STPG2: variants seen among roughly 807,000 people sequenced by gnomAD.
The protein encoded by STPG2 is sperm tail PG-rich repeat containing 2, also known as sperm-tail PG-rich repeat-containing protein 2.
In STPG2, 56 loss-of-function variants were observed where a neutral mutation model predicts 54.2. The observed-to-expected ratio is 1.03, with a 90% CI of 0.83 to 1.29. The LOEUF (loss-of-function observed/expected upper bound fraction) is 1.29, where lower values mean the gene tolerates loss of function less well. STPG2 is among the 50% of genes most tolerant of loss of function. The pLI, the probability that STPG2 is intolerant of heterozygous loss-of-function variation, is 0.00. For synonymous variants in STPG2, 200 were observed against 181.8 expected (o/e 1.10, Z -0.81); for missense variants, 596 against 544.9 (o/e 1.09, Z -0.93).
chr4:98,092,824 C>T (rs1738731183), intron 5 of STPG2, among the ~76,000 whole-genome samples: 1 of 151,872 alleles, frequency 6.6e-6, no homozygotes, highest in African/African-American at 2.4e-5. Context: ...TAGTTTGCAG[C>T]TAGAATCTAA....
chr4:97,666,734 T>G (rs1041969511), intron 10 of STPG2, among the ~76,000 whole-genome samples: 1 of 152,176 alleles, frequency 6.6e-6, no homozygotes, highest in Non-Finnish European at 1.5e-5. Flanking sequence ...TAAATTATTA[T>G]ATCTGTTATA....
At chr4:97,487,200 A>T (rs987138730) in intron 4 of STPG2, among the ~76,000 whole-genome samples, 2 of 142,370 alleles carry the variant, frequency 1.4e-5, no homozygotes, top group Non-Finnish European at 3.0e-5. Flanking sequence ...TAACCTATGG[A>T]AAAAAAAAAC....
intron 9 of STPG2, among the ~76,000 whole-genome samples, chr4:97,778,056 G>C (rs902490734): frequency 3.3e-5 from 5 of 152,160 alleles, no homozygotes; most frequent in Admixed American, 3.3e-4. Flanking sequence ...GGGTTCGTCA[G>C]ACAGTGGGGA....
chr4:97,874,710 G>A (rs189621228), intron 8 of STPG2, among the ~76,000 whole-genome samples: 55 of 151,672 alleles, frequency 3.6e-4, no homozygotes, highest in African/African-American at 1.3e-3. Flanking sequence ...ATATCCTATG[G>A]ACTCAATGTG....
intron 8 of STPG2, among the ~76,000 whole-genome samples, chr4:97,910,417 C>T (rs1666387624): frequency 1.3e-5 from 2 of 152,132 alleles, no homozygotes; most frequent in Admixed American, 1.3e-4. Flanking sequence ...ATCAATATAG[C>T]AAAAGCTCTG....
At chr4:97,856,832 T>C (rs1417967361) in intron 8 of STPG2, among the ~76,000 whole-genome samples, 1 of 152,100 alleles carries the variant, frequency 6.6e-6, no homozygotes, top group Non-Finnish European at 1.5e-5. Flanking sequence ...AAGTATGTTA[T>C]TTCAATACCT....
chr4:97,864,277 A>C (rs1205327655), intron 8 of STPG2, among the ~76,000 whole-genome samples: 1 of 145,930 alleles, frequency 6.9e-6, no homozygotes, highest in Admixed American at 6.8e-5. Flanking sequence ...AATGTGCAAA[A>C]ATCACAAGCA....
At chr4:97,793,753 T>C (rs1727081375) in intron 9 of STPG2, among the ~76,000 whole-genome samples, 1 of 152,184 alleles carries the variant, frequency 6.6e-6, no homozygotes, top group East Asian at 1.9e-4. Flanking sequence ...AACATGGATA[T>C]TGATGAAATA....
intron 5 of STPG2, among the ~76,000 whole-genome samples, chr4:98,018,097 C>A (rs1024796410): frequency 6.6e-6 from 1 of 151,994 alleles, no homozygotes; most frequent in South Asian, 2.1e-4. Flanking sequence ...TATACATGTG[C>A]CATGTTGGTG....
chr4:97,543,836 T>C (rs1731774434), intron 4 of STPG2, among the ~76,000 whole-genome samples: 1 of 152,076 alleles, frequency 6.6e-6, no homozygotes, highest in African/African-American at 2.4e-5. Flanking sequence ...AAGAATCACC[T>C]GGGGAACTTA....
chr4:97,468,654 T>A (rs1196189508), intron 4 of STPG2, among the ~76,000 whole-genome samples: 2 of 152,162 alleles, frequency 1.3e-5, no homozygotes, highest in African/African-American at 4.8e-5. Context: ...GTGGTCATTG[T>A]AAATAGAATC....
intron 10 of STPG2, among the ~76,000 whole-genome samples, chr4:97,567,476 C>A (rs1322887077): frequency 6.7e-6 from 1 of 150,300 alleles, no homozygotes; most frequent in Non-Finnish European, 1.5e-5. Flanking sequence ...TTTCTCCCCT[C>A]TCCCCATAAT....
Position 97,784,461 on chromosome 4 carries a change from G to T in STPG2, c.1204+56312C>A, listed in dbSNP as rs189749107. On this transcript the variant is annotated intron_variant, in intron 9 of 10. Coordinates refer to ENST00000295268, the MANE Select transcript of STPG2 (RefSeq NM_174952.3). ...CTTGCTATAGTAATGCTGTGATATT[G>T]AATATGGGAAAAAATCACTAAGGGA... is the stretch of plus-strand genomic sequence containing the variant. Among the ~76,000 whole-genome samples the T allele has an allele frequency of 3.6e-4, 55 of 151,940 alleles. 2 individuals carry two copies. The East Asian group carries it at 0.01, about 28-fold the overall frequency.
intron 10 of STPG2, among the ~76,000 whole-genome samples, chr4:97,636,466 G>C (rs1299152892): frequency 6.9e-6 from 1 of 145,132 alleles, no homozygotes; most frequent in Non-Finnish European, 1.5e-5. Context: ...TCAAAAGCTA[G>C]CAGAAGGCAA....
At chr4:97,992,167 T>G (rs2149270055) in intron 5 of STPG2, among the ~76,000 whole-genome samples, 1 of 152,298 alleles carries the variant, frequency 6.6e-6, no homozygotes, top group African/African-American at 2.4e-5. Context: ...TCATGAAGTC[T>G]TTGCCTAGGC....
chr4:98,113,215 T>C (rs1739413828), intron 3 of STPG2, among the ~76,000 whole-genome samples: 1 of 151,962 alleles, frequency 6.6e-6, no homozygotes, highest in African/African-American at 2.4e-5. Flanking sequence ...GAGAGCACCA[T>C]ATGGCAAGAG....
intron 8 of STPG2, among the ~76,000 whole-genome samples, chr4:97,930,723 T>C (rs911030575): frequency 6.6e-6 from 1 of 152,192 alleles, no homozygotes; most frequent in South Asian, 2.1e-4. Context: ...AGAATGTCAC[T>C]GGTAGTTTCA....
At chr4:98,096,266 A>T (rs1371417164) in intron 5 of STPG2, among the ~76,000 whole-genome samples, 2 of 152,080 alleles carry the variant, frequency 1.3e-5, no homozygotes, top group Non-Finnish European at 2.9e-5. Flanking sequence ...GCATGGCAGC[A>T]TATACCTGTA....
intron 9 of STPG2, among the ~76,000 whole-genome samples, chr4:97,816,903 T>C (rs939382879): frequency 1.3e-5 from 2 of 149,344 alleles, no homozygotes; most frequent in Non-Finnish European, 3.0e-5. Context: ...ATTTCTCTCA[T>C]ATATGCACAT....
Sources: allele counts gnomAD v4.1 joint callset (sites outside exome capture counted in the v4.1 genomes callset), GRCh38; gene constraint gnomAD v4.1.1; transcripts MANE v1.5; gene names NCBI Gene and HGNC (gene_info 2026-07-23, HGNC 2026-07-21).